Variants in STAG1 observed in about 807,000 individuals in gnomAD.
STAG1 encodes the protein cohesin subunit SA-1.
In STAG1, 26 loss-of-function variants were observed where a neutral mutation model predicts 170.9. The observed-to-expected ratio is 0.15, with a 90% CI of 0.11 to 0.21. STAG1 has a LOEUF of 0.21. Among genes scored for constraint, STAG1 ranks in the 10% least tolerant of loss-of-function variants. STAG1 has a pLI of 1.00. For synonymous variants in STAG1, 514 were observed against 497.7 expected (o/e 1.03, Z -0.44); for missense variants, 964 against 1,509.5 (o/e 0.64, Z 5.99).
intron 22 of STAG1, among the ~76,000 whole-genome samples, chr3:136,386,018 T>C (rs1188353971): frequency 6.6e-6 from 1 of 152,160 alleles, no homozygotes; most frequent in African/African-American, 2.4e-5. Flanking sequence ...AGAAACCTCT[T>C]TCAACAAATT....
intron 1 of STAG1, among the ~76,000 whole-genome samples, chr3:136,737,808 G>C (rs1262743942): frequency 6.6e-6 from 1 of 152,030 alleles, no homozygotes; most frequent in African/African-American, 2.4e-5. Flanking sequence ...GGTGGCTCAC[G>C]CCTGTAATCC....
At chr3:136,620,876 A>G (rs1477970920) in intron 3 of STAG1, among the ~76,000 whole-genome samples, 1 of 152,254 alleles carries the variant, frequency 6.6e-6, no homozygotes, top group Non-Finnish European at 1.5e-5. Context: ...AAAATCAAGT[A>G]TTTCCTACCA....
chr3:136,467,975 C>T (rs1189195310), intron 12 of STAG1, among the ~76,000 whole-genome samples: 1 of 152,112 alleles, frequency 6.6e-6, no homozygotes, highest in Non-Finnish European at 1.5e-5. Flanking sequence ...AACAAAGGCA[C>T]AAACCTGAAT....
In STAG1 at chr3:136,531,155, A is replaced by C. The variant is rs191278387; in HGVS notation, c.472-9738T>G. 6.2e-3 allele frequency among the ~76,000 whole-genome samples: 942 copies of C among 152,004 alleles called. 4 individuals carry two copies. The highest frequency in any genetic ancestry group is 9.7e-3 in the Non-Finnish European group (656 of 67,978). The stretch of plus-strand genomic sequence containing the variant: ...ATTTATGCAGCCAAAAAACACATGA[A>C]AAAATGCTCATCATCACTGGCCATC... On this transcript the variant is annotated intron_variant, in intron 6 of 33. Coordinates refer to ENST00000383202, the MANE Select transcript of STAG1 (RefSeq NM_005862.3).
chr3:136,751,801 G>A (rs1410762645), intron 1 of STAG1, among the ~76,000 whole-genome samples: 1 of 122,594 alleles, frequency 8.2e-6, no homozygotes, highest in Non-Finnish European at 1.7e-5. Flanking sequence ...ACTCCCGAGA[G>A]CCCGGGCGGG....
intron 1 of STAG1, among the ~76,000 whole-genome samples, chr3:136,652,340 AT>A (rs932179829): frequency 1.3e-5 from 2 of 152,150 alleles, no homozygotes; most frequent in Non-Finnish European, 2.9e-5. Flanking sequence ...TTTAAATTGC[AT>A]TTTTTTGATC....
chr3:136,356,315 C>A (rs1370228245), intron 28 of STAG1, among the ~76,000 whole-genome samples: 2 of 152,118 alleles, frequency 1.3e-5, no homozygotes, highest in Non-Finnish European at 2.9e-5. Context: ...TTAGAACTAT[C>A]ACTTATAGTC....
At chr3:136,479,160 C>T (rs1249473867) in intron 9 of STAG1, among the ~76,000 whole-genome samples, 1 of 146,290 alleles carries the variant, frequency 6.8e-6, no homozygotes, top group African/African-American at 2.5e-5. Flanking sequence ...ATGTGCCATG[C>T]TGGTGCGCTG....
chr3:136,564,827 C>T (rs1339117795), intron 5 of STAG1, among the ~76,000 whole-genome samples: 2 of 151,780 alleles, frequency 1.3e-5, no homozygotes, highest in Non-Finnish European at 2.9e-5. Flanking sequence ...AAAAATTAAC[C>T]ATGGATTAAC....
intron 5 of STAG1, among the ~76,000 whole-genome samples, chr3:136,553,865 T>G (rs972723569): frequency 6.6e-6 from 1 of 151,918 alleles, no homozygotes; most frequent in African/African-American, 2.4e-5. Flanking sequence ...AAAGAAAACA[T>G]AGAACAGGAG....
intron 6 of STAG1, among the ~76,000 whole-genome samples, chr3:136,535,400 T>C (rs1481660450): frequency 6.6e-6 from 1 of 152,210 alleles, no homozygotes; most frequent in Non-Finnish European, 1.5e-5. Flanking sequence ...CGGTGGCTCA[T>C]GCCTGTGATC....
At chr3:136,622,435 G>C (rs1402666143) in intron 3 of STAG1, among the ~76,000 whole-genome samples, 1 of 152,072 alleles carries the variant, frequency 6.6e-6, no homozygotes, top group East Asian at 1.9e-4. Context: ...AAAGGAGGAG[G>C]GGTGATGAGA....
At chr3:136,468,960 T>A (rs1449239153) in intron 12 of STAG1, among the ~76,000 whole-genome samples, 1 of 152,168 alleles carries the variant, frequency 6.6e-6, no homozygotes, top group East Asian at 1.9e-4. Flanking sequence ...AAACTCTCAA[T>A]ACATTAGGTA....
chr3:136,467,360 T>C (rs1010566438), intron 12 of STAG1, among the ~76,000 whole-genome samples: 2 of 152,140 alleles, frequency 1.3e-5, no homozygotes, highest in African/African-American at 4.8e-5. Flanking sequence ...GTTGCAATCC[T>C]AGTCTCTGAT....
At chr3:136,387,762 G>A (rs1272579301) in intron 22 of STAG1, among the ~76,000 whole-genome samples, 1 of 152,150 alleles carries the variant, frequency 6.6e-6, no homozygotes, top group East Asian at 1.9e-4. Flanking sequence ...GCTGACTCCT[G>A]CCATTGCCTC....
At chr3:136,478,826 T>C (rs1295593171) in intron 9 of STAG1, among the ~76,000 whole-genome samples, 1 of 152,140 alleles carries the variant, frequency 6.6e-6, no homozygotes, top group Non-Finnish European at 1.5e-5. Context: ...TGGCTAAAAG[T>C]ACAGGCTCTG....
intron 21 of STAG1, among the ~76,000 whole-genome samples, chr3:136,404,865 G>GTA (rs1280001689): frequency 1.9e-5 from 1 of 53,474 alleles, no homozygotes; most frequent in African/African-American, 4.8e-5. Flanking sequence ...ATGCATATAT[G>GTA]TGTGTGTGTG....
chr3:136,655,933 C>G (rs904526326), intron 1 of STAG1, among the ~76,000 whole-genome samples: 1 of 151,942 alleles, frequency 6.6e-6, no homozygotes, highest in Non-Finnish European at 1.5e-5. Context: ...GTATGTAGTC[C>G]AAAGAACTGA....
intron 6 of STAG1, among the ~76,000 whole-genome samples, chr3:136,524,598 G>A (rs1279587025): frequency 3.9e-5 from 6 of 152,094 alleles, no homozygotes; most frequent in Non-Finnish European, 4.4e-5. Context: ...TCTTTCTCCT[G>A]CCTGACTGCC....
Sources: allele counts gnomAD v4.1 joint callset (sites outside exome capture counted in the v4.1 genomes callset), GRCh38; gene constraint gnomAD v4.1.1; transcripts MANE v1.5; gene names NCBI Gene and HGNC (gene_info 2026-07-23, HGNC 2026-07-21).